The following FYN variants were observed in gnomAD, a reference collection of about 807,000 sequenced individuals.
FYN encodes the protein FYN proto-oncogene, Src family tyrosine kinase.
In FYN, 10 loss-of-function variants were observed where a neutral mutation model predicts 70.2. The ratio of observed to expected loss-of-function variants is 0.14; its 90% CI spans 0.09 to 0.24. The LOEUF is 0.24. Ranked by LOEUF, FYN falls within the 10% of genes least tolerant of loss-of-function variation. The probability of loss-of-function intolerance (pLI) is 1.00; values close to 1 mark genes in which losing one functional copy is unlikely to be tolerated. For synonymous variants in FYN, 236 were observed against 248.6 expected (o/e 0.95, Z 0.48); for missense variants, 319 against 673.1 (o/e 0.47, Z 5.82).
chr6:111,713,127 G>T (rs547082618), intron 5 of FYN, among the ~76,000 whole-genome samples: 13 of 152,212 alleles, frequency 8.5e-5, no homozygotes, highest in Non-Finnish European at 1.6e-4. Context: ...AGAGTCGTTG[G>T]CCCTTTATGG....
At chr6:111,841,152 T>C (rs1332659935) in intron 2 of FYN, among the ~76,000 whole-genome samples, 1 of 152,200 alleles carries the variant, frequency 6.6e-6, no homozygotes, top group Non-Finnish European at 1.5e-5. Flanking sequence ...TCTCATGGGC[T>C]TCCCCCACTC....
chr6:111,754,160 T>C (rs982128894), intron 3 of FYN, among the ~76,000 whole-genome samples: 8 of 152,234 alleles, frequency 5.3e-5, no homozygotes, highest in Admixed American at 4.6e-4. Context: ...TCAAATTCAA[T>C]GCTAGGCAAT....
chr6:111,860,006 G>A (rs1181565764), intron 1 of FYN, among the ~76,000 whole-genome samples: 3 of 152,084 alleles, frequency 2.0e-5, no homozygotes, highest in African/African-American at 7.2e-5. Flanking sequence ...AGAGATTGTA[G>A]TGACATGCCT....
chr6:111,784,472 A>C (rs1771292082), intron 2 of FYN, among the ~76,000 whole-genome samples: 1 of 152,232 alleles, frequency 6.6e-6, no homozygotes, highest in Non-Finnish European at 1.5e-5. Flanking sequence ...TAGTATTTCC[A>C]GTCCTGATAA....
Position 111,729,472 on chromosome 6 carries a change from C to CA in FYN, c.-11-9411dup, listed in dbSNP as rs1343473253. Among the ~76,000 whole-genome samples, 441 of 75,834 alleles carry CA rather than the reference C, an allele frequency of 5.8e-3. 1 individual carries two copies. Among genetic ancestry groups the CA allele is most frequent in the African/African-American group, 1.0e-2 (200 of 20,096 alleles). The allele number at this position is 75,834 out of a possible 152,430, so 49.8% of individuals were successfully genotyped here. On this transcript the variant is annotated intron_variant, in intron 3 of 13. Transcript: ENST00000354650. ...CCTGGGTGACAGAGTGAGACTGCCT[C>CA]AAAAAAAAAAAAAAAGGGGGTCGGG...
Position 111,725,085 on chromosome 6 carries a change from G to A in FYN, c.-11-5023C>T, listed in dbSNP as rs1801132359. On this transcript the variant is annotated intron_variant, in intron 3 of 13. Coordinates refer to ENST00000354650, the MANE Select transcript of FYN (RefSeq NM_002037.5). ...TAGGAAAAGGATAAGATGTGGCAGA[G>A]ACACATCTGAAATTATTTGACTTCA... is the stretch of plus-strand genomic sequence containing the variant. 2.0e-5 allele frequency among the ~76,000 whole-genome samples: 3 copies of A among 152,202 alleles called. No homozygotes were observed. In the South Asian group the frequency reaches 6.2e-4, roughly 32 times the overall value.
At chr6:111,721,924 C>T (rs552027275) in intron 3 of FYN, among the ~76,000 whole-genome samples, 43 of 152,266 alleles carry the variant, frequency 2.8e-4, no homozygotes, top group Non-Finnish European at 6.0e-4. Context: ...ACATAAGAAA[C>T]ACATGCCATC....
intron 2 of FYN, among the ~76,000 whole-genome samples, chr6:111,841,455 T>C (rs1276757675): frequency 6.6e-6 from 1 of 152,200 alleles, no homozygotes; most frequent in East Asian, 1.9e-4. Context: ...AGAAGGGTGC[T>C]TCAAGTCTGA....
At chr6:111,699,460 A>T (rs200466819) in intron 9 of FYN, 16 of 1,571,388 alleles carry the variant, frequency 1.0e-5, no homozygotes, top group Non-Finnish European at 1.4e-5. Flanking sequence ...GTTCAAAACC[A>T]TCCTTTTAAT....
At chr6:111,764,216 C>CTAA (rs1554286109) in intron 3 of FYN, among the ~76,000 whole-genome samples, 1 of 58,382 alleles carries the variant, frequency 1.7e-5, no homozygotes. Context: ...TTTTGTCAAG[C>CTAA]AAAAAAAAAA....
rs1279529406 is a variant in FYN at position 111,699,106 on chromosome 6, CA to C, written c.862+997del. On this transcript the variant is annotated intron_variant, in intron 9 of 13. Coordinates refer to ENST00000354650, the MANE Select transcript of FYN (RefSeq NM_002037.5). ...CAACAACAACAAAAAGGTATCATTC[CA>C]ATTTTACAGATGAAAAAACTGAGGC... Among the ~76,000 whole-genome samples the C allele has an allele frequency of 2.0e-5, 3 of 152,090 alleles. No homozygotes were observed. In the East Asian group the frequency reaches 5.8e-4, roughly 29 times the overall value.
At chr6:111,851,248 C>T (rs529768235) in intron 1 of FYN, among the ~76,000 whole-genome samples, 1 of 152,190 alleles carries the variant, frequency 6.6e-6, no homozygotes, top group Non-Finnish European at 1.5e-5. Flanking sequence ...GCTATGTGTA[C>T]TTTGTATTAC....
At chr6:111,715,643 G>A (rs1398724854) in intron 4 of FYN, among the ~76,000 whole-genome samples, 1 of 152,100 alleles carries the variant, frequency 6.6e-6, no homozygotes, top group African/African-American at 2.4e-5. Context: ...AACTGAGGGT[G>A]GCCTCTGGCC....
chr6:111,675,368 ATTCATGTCAAAGTCAGTGGAGTCCTTTT>A (rs1215369472), intron 12 of FYN, among the ~76,000 whole-genome samples: 1 of 152,160 alleles, frequency 6.6e-6, no homozygotes, highest in African/African-American at 2.4e-5. Context: ...CAAGGTGCAA[ATTCATGTCAAAGTCAGTGGAGTCCTTTT>A]TTTCAAAAAT....
chr6:111,731,759 C>A (rs1311606539), intron 3 of FYN, among the ~76,000 whole-genome samples: 1 of 152,162 alleles, frequency 6.6e-6, no homozygotes, highest in Admixed American at 6.5e-5. Context: ...AGCAGAGAGG[C>A]AGACTCCAGC....
chr6:111,688,433 T>A (rs180707556), intron 12 of FYN, among the ~76,000 whole-genome samples: 1 of 152,334 alleles, frequency 6.6e-6, no homozygotes, highest in East Asian at 1.9e-4. Context: ...GGAGAGCATG[T>A]CTCACAAGAG....
chr6:111,744,370 G>T (rs72942109), intron 3 of FYN, among the ~76,000 whole-genome samples: 2 of 152,206 alleles, frequency 1.3e-5, no homozygotes, highest in African/African-American at 4.8e-5. Flanking sequence ...TGCAGTGGAT[G>T]GCTGCTCTTG....
At chr6:111,793,079 A>C (rs543681918) in intron 2 of FYN, among the ~76,000 whole-genome samples, 92 of 152,342 alleles carry the variant, frequency 6.0e-4, no homozygotes, top group Non-Finnish European at 1.0e-3. Context: ...ATGAAACCAG[A>C]AACAAAACAG....
intron 2 of FYN, among the ~76,000 whole-genome samples, chr6:111,820,765 C>T (rs1175368068): frequency 5.3e-5 from 8 of 151,770 alleles, no homozygotes; most frequent in Admixed American, 5.2e-4. Flanking sequence ...ATGATATAAG[C>T]ACTGGAATTA....
Sources: allele counts gnomAD v4.1 joint callset (sites outside exome capture counted in the v4.1 genomes callset), GRCh38; gene constraint gnomAD v4.1.1; transcripts MANE v1.5; gene names NCBI Gene and HGNC (gene_info 2026-07-23, HGNC 2026-07-21).